HGSNAT: variants seen among roughly 807,000 people sequenced by gnomAD.
The protein encoded by HGSNAT is transmembrane protein 76.
Under a neutral mutation model 85.2 loss-of-function variants are expected in HGSNAT, and 59 were observed. That is an observed-to-expected ratio of 0.69 (90% confidence interval 0.56 to 0.86). The LOEUF (loss-of-function observed/expected upper bound fraction) is 0.86. HGSNAT is among the 40% of genes least tolerant of loss of function. HGSNAT has a pLI of 0.00. For synonymous variants in HGSNAT, 321 were observed against 304.5 expected, an observed-to-expected ratio of 1.05 and a Z score of -0.56; for missense variants, 756 against 777.1, an observed-to-expected ratio of 0.97 and a Z score of 0.32.
chr8:43,180,212 G>A (rs1340703321), intron 10 of HGSNAT: 1 of 102,300 alleles, frequency 9.8e-6, no homozygotes, highest in African/African-American at 3.6e-5. Context: ...TCCCGGACGG[G>A]GTGGCTGGCC....
intron 14 of HGSNAT, among the ~76,000 whole-genome samples, chr8:43,195,559 ATG>A (rs1804682718): frequency 7.3e-6 from 1 of 136,340 alleles, no homozygotes; most frequent in Admixed American, 7.2e-5. Context: ...GAGGAGGAGG[ATG>A]AGGAGGAAGA....
intron 2 of HGSNAT, among the ~76,000 whole-genome samples, chr8:43,150,629 C>A (rs186901743): frequency 6.6e-6 from 1 of 152,016 alleles, no homozygotes; most frequent in Non-Finnish European, 1.5e-5. Context: ...GTCAGGAGAT[C>A]GAGACCATCC....
chr8:43,140,993 G>C (rs995238375), intron 1 of HGSNAT, among the ~76,000 whole-genome samples: 1 of 152,224 alleles, frequency 6.6e-6, no homozygotes, highest in Non-Finnish European at 1.5e-5. Context: ...GATCGGGGGG[G>C]CTCGGACTCC....
At chr8:43,162,721 G>GT (rs200685210) in intron 5 of HGSNAT, among the ~76,000 whole-genome samples, 158 of 142,808 alleles carry the variant, frequency 1.1e-3, no homozygotes, top group South Asian at 2.2e-3. Flanking sequence ...CTGGCTAATG[G>GT]TTTTTTTTTT....
At chr8:43,191,241 A>C (rs1454922460) in intron 11 of HGSNAT, among the ~76,000 whole-genome samples, 1 of 152,120 alleles carries the variant, frequency 6.6e-6, no homozygotes, top group African/African-American at 2.4e-5. Flanking sequence ...ATATGTTTTC[A>C]GTTCTCTTGG....
rs1016164503 is a variant in HGSNAT at position 43,192,366 on chromosome 8, C to T, written c.1313C>T (p.Ala438Val). 3 of 1,612,682 alleles carry T rather than the reference C, an allele frequency of 1.9e-6. No homozygotes were observed. In the African/African-American group the frequency reaches 4.0e-5, roughly 22 times the overall value. ...AAGTATCCAAATTGCACTGGAGGAG[C>T]TGCAGGCTACATCGACCGCCTGCTG... Reference protein sequence around the residue: ...FGKYPNCTGGAAGYIDRLLLG... With the variant: ...FGKYPNCTGGVAGYIDRLLLG... The change falls in exon 13 of 18, where the codon GCT becomes GTT. Residue 438 changes from alanine (A) to valine (V), a missense_variant. Transcript: ENST00000379644.
intron 9 of HGSNAT, 121 bp from the exon 10 acceptor site, chr8:43,177,953 G>A (rs1342276675): frequency 1.2e-6 from 1 of 818,736 alleles, no homozygotes; most frequent in African/African-American, 1.7e-5. Flanking sequence ...TATTATTTCA[G>A]TAATTGGCTA....
intron 8 of HGSNAT, among the ~76,000 whole-genome samples, chr8:43,173,464 C>T (rs781315772): frequency 3.2e-4 from 48 of 152,150 alleles, no homozygotes; most frequent in Non-Finnish European, 3.2e-4. Context: ...TGCCCGCCAC[C>T]ACACCCGGCT....
At chr8:43,151,650 A>T (rs1393560684) in intron 2 of HGSNAT, among the ~76,000 whole-genome samples, 1 of 152,234 alleles carries the variant, frequency 6.6e-6, no homozygotes, top group Non-Finnish European at 1.5e-5. Context: ...ACAAACTAAT[A>T]TAATAAGGGT....
chr8:43,143,407 G>A (rs529352857), intron 1 of HGSNAT, among the ~76,000 whole-genome samples: 2 of 152,308 alleles, frequency 1.3e-5, no homozygotes, highest in South Asian at 2.1e-4. Flanking sequence ...CTGGTTAGCC[G>A]TTATGTGCAC....
At chr8:43,190,215 C>T (rs1804480852) in intron 11 of HGSNAT, among the ~76,000 whole-genome samples, 1 of 152,182 alleles carries the variant, frequency 6.6e-6, no homozygotes, top group Non-Finnish European at 1.5e-5. Context: ...ACTCAGGTGA[C>T]AGTTACTTCT....
chr8:43,192,159 C>G (rs1269483967), intron 12 of HGSNAT, 145 bp from the exon 13 acceptor site: 40 of 810,602 alleles, frequency 4.9e-5, no homozygotes, highest in Middle Eastern at 3.8e-4. Flanking sequence ...AATTCCTGAC[C>G]TCAGGTGATC....
chr8:43,141,307 G>T (rs1802528807), intron 1 of HGSNAT, among the ~76,000 whole-genome samples: 1 of 152,178 alleles, frequency 6.6e-6, no homozygotes, highest in South Asian at 2.1e-4. Flanking sequence ...CGCCGCCGCC[G>T]CCGCCTGGGA....
intron 2 of HGSNAT, among the ~76,000 whole-genome samples, chr8:43,158,255 C>G (rs556431389): frequency 2.6e-5 from 4 of 152,076 alleles, no homozygotes; most frequent in African/African-American, 4.8e-5. Context: ...TGTGCCACCA[C>G]GTCCAGCTAA....
intron 8 of HGSNAT, among the ~76,000 whole-genome samples, chr8:43,173,333 G>T (rs1383407783): frequency 6.6e-6 from 1 of 150,936 alleles, no homozygotes; most frequent in East Asian, 1.9e-4. Flanking sequence ...TTTTGAGATG[G>T]AGTTTCATTC....
chr8:43,141,590 C>T (rs1434584190), intron 1 of HGSNAT, among the ~76,000 whole-genome samples: 1 of 152,070 alleles, frequency 6.6e-6, no homozygotes, highest in East Asian at 1.9e-4. Context: ...TGGGAGTCAC[C>T]TGTCTTTCCC....
At chr8:43,148,706 C>G (rs754093304) in intron 2 of HGSNAT, among the ~76,000 whole-genome samples, 4 of 149,396 alleles carry the variant, frequency 2.7e-5, no homozygotes, top group Non-Finnish European at 5.9e-5. Context: ...TGGAGAATCG[C>G]TTGAACCTGG....
rs1049678342 is a variant in HGSNAT, at chr8:43,173,759, G to C, written c.851+16G>C. 19 of 1,609,942 alleles carry C rather than the reference G, an allele frequency of 1.2e-5. No homozygotes were observed. Among genetic ancestry groups the C allele is most frequent in the Non-Finnish European group, 1.6e-5 (19 of 1,178,058 alleles). On this transcript the variant is annotated intron_variant, in intron 9 of 17. Transcript: ENST00000379644. The stretch of plus-strand genomic sequence containing the variant: ...TGTTCCCGTGGTGAGTTGCCGGTCT[G>C]CCCTCTTCTCTTCCACGGGTTGACT...
chr8:43,146,274 A>C (rs551942363), intron 1 of HGSNAT, among the ~76,000 whole-genome samples: 26 of 152,266 alleles, frequency 1.7e-4, no homozygotes, highest in African/African-American at 6.0e-4. Flanking sequence ...AGGATATTCC[A>C]AACTCCAAAA....
Sources: gnomAD v4.1 joint callset for allele counts (sites outside exome capture counted in the v4.1 genomes callset) on GRCh38, gnomAD v4.1.1 for gene constraint, MANE v1.5 for transcripts, NCBI Gene and HGNC (gene_info 2026-07-23, HGNC 2026-07-21) for gene names.